MAP3K20: variants seen among roughly 807,000 people sequenced by gnomAD.
MAP3K20 encodes the protein mitogen-activated protein kinase kinase kinase 20.
A neutral mutation model predicts 85.7 loss-of-function variants in MAP3K20; 40 were observed. The observed-to-expected ratio is 0.47, with a 90% confidence interval of 0.36 to 0.61. MAP3K20 has a LOEUF of 0.61. MAP3K20 is among the 20% of genes least tolerant of loss of function. The pLI is 0.00. For missense variants in MAP3K20, 817 were observed against 961.7 expected, an observed-to-expected ratio of 0.85 and a Z score of 1.99; for synonymous variants, 325 against 327.7, an observed-to-expected ratio of 0.99 and a Z score of 0.09.
At chr2:173,177,870 A>C (rs1178021327) in intron 3 of MAP3K20, among the ~76,000 whole-genome samples, 5 of 64,278 alleles carry the variant, frequency 7.8e-5, no homozygotes, top group Non-Finnish European at 3.1e-4. Flanking sequence ...CACCTATATC[A>C]AAAAGAAGAA....
intron 3 of MAP3K20, among the ~76,000 whole-genome samples, chr2:173,176,808 T>C (rs1574080761): frequency 6.6e-6 from 1 of 152,170 alleles, no homozygotes; most frequent in Non-Finnish European, 1.5e-5. Context: ...AAGAGACATA[T>C]CGTAGATTCA....
intron 2 of MAP3K20, among the ~76,000 whole-genome samples, chr2:173,133,819 C>CT (rs1350705368): frequency 6.7e-6 from 1 of 150,318 alleles, no homozygotes; most frequent in Non-Finnish European, 1.5e-5. Flanking sequence ...CCCATCTCTA[C>CT]TAAAAAAAAA....
intron 16 of MAP3K20, among the ~76,000 whole-genome samples, chr2:173,239,830 A>C (rs1684740597): frequency 6.6e-6 from 1 of 152,210 alleles, no homozygotes; most frequent in Non-Finnish European, 1.5e-5. Flanking sequence ...CATAAGAGAA[A>C]GCAGCTTTAT....
chr2:173,142,496 A>G (rs1171302377), intron 2 of MAP3K20, among the ~76,000 whole-genome samples: 3 of 151,898 alleles, frequency 2.0e-5, no homozygotes, highest in African/African-American at 7.3e-5. Context: ...AGTAGTATAT[A>G]TATATCACAA....
chr2:173,097,185 G>A (rs1257314146), intron 2 of MAP3K20, among the ~76,000 whole-genome samples: 4 of 152,034 alleles, frequency 2.6e-5, no homozygotes, highest in Non-Finnish European at 4.4e-5. Flanking sequence ...TCGAAACCCC[G>A]TCTCTACTAA....
intron 2 of MAP3K20, among the ~76,000 whole-genome samples, chr2:173,159,590 A>G (rs1175712215): frequency 1.3e-5 from 2 of 151,994 alleles, no homozygotes; most frequent in Non-Finnish European, 2.9e-5. Flanking sequence ...GGGTCTCACT[A>G]TGTTGCCCAG....
At chr2:173,119,075 A>G (rs369737287) in intron 2 of MAP3K20, among the ~76,000 whole-genome samples, 2 of 152,240 alleles carry the variant, frequency 1.3e-5, no homozygotes, top group South Asian at 2.1e-4. Context: ...AAAAGACTCT[A>G]AAGAATATAG....
intron 11 of MAP3K20, chr2:173,222,841 G>A: frequency 1.0e-6 from 1 of 985,348 alleles, no homozygotes; most frequent in Non-Finnish European, 1.2e-6. Flanking sequence ...GATATTCTCA[G>A]AATGTTATCA....
At chr2:173,239,530 C>T in intron 16 of MAP3K20, 34 bp downstream of exon 16, 1 of 1,582,318 alleles carries the variant, frequency 6.3e-7, no homozygotes, top group Non-Finnish European at 8.6e-7. Flanking sequence ...GGATAAATCT[C>T]AATCGAACTA....
chr2:173,150,856 C>A (rs1689286568), intron 2 of MAP3K20, among the ~76,000 whole-genome samples: 1 of 152,052 alleles, frequency 6.6e-6, no homozygotes, highest in Non-Finnish European at 1.5e-5. Context: ...GCCACCACAC[C>A]CGGCCAAAAA....
rs1317124396 is a variant in MAP3K20 at position 173,232,350 on chromosome 2, C to T, written c.1094C>T (p.Ala365Val). The T allele has an allele frequency of 6.2e-7, 1 of 1,614,100 alleles. No individual in the cohort carries two copies. The highest frequency in any genetic ancestry group is 8.5e-7 in the Non-Finnish European group (1 of 1,180,044). ...GDSSAEMSVYASLFKENNITG... is the reference protein window; with the variant it reads ...GDSSAEMSVYVSLFKENNITG... Reference sequence around the variant, plus strand: ...TCTTCAGCAGAGATGAGTGTATATGCAAGCTTGTTTAAAGAAAACAACATT... The same window carrying T: ...TCTTCAGCAGAGATGAGTGTATATGTAAGCTTGTTTAAAGAAAACAACATT... Residue 365 changes from alanine (A) to valine (V), a missense_variant, in exon 14 of 20, where the codon GCA (alanine) becomes GTA (valine). Around this residue, in one of 4 missense-constraint regions of MAP3K20, gnomAD observed 158 missense variants for 162.0 expected, o/e 0.98. Transcript: ENST00000375213.
chr2:173,260,322 C>T (rs933915120), intron 17 of MAP3K20, among the ~76,000 whole-genome samples: 5 of 152,114 alleles, frequency 3.3e-5, no homozygotes, highest in South Asian at 2.1e-4. Context: ...GAGCCAAGAT[C>T]GCACCACTGC....
rs141237040 is a variant in MAP3K20, at chr2:173,217,095, C to G, written c.852-20C>G. The G allele has an allele frequency of 2.0e-6, 3 of 1,484,866 alleles. No individual in the cohort carries two copies. The highest frequency in any genetic ancestry group is 2.7e-6 in the Non-Finnish European group (3 of 1,112,772). The allele number at this position is 1,484,866 out of a possible 1,614,324, so 92.0% of individuals were successfully genotyped here. ...GTCTCTTAAGTAAAGTTGAGACTTACACCAGCTATCCCCGTGCAGGTGCGA... is the reference window on the plus strand; with the variant it reads ...GTCTCTTAAGTAAAGTTGAGACTTAGACCAGCTATCCCCGTGCAGGTGCGA... On this transcript the variant is annotated intron_variant, in intron 10 of 19. Coordinates refer to ENST00000375213, the MANE Select transcript of MAP3K20 (RefSeq NM_016653.3).
chr2:173,123,711 A>G (rs1301644496), intron 2 of MAP3K20, among the ~76,000 whole-genome samples: 1 of 152,150 alleles, frequency 6.6e-6, no homozygotes, highest in Admixed American at 6.5e-5. Flanking sequence ...TCAGTACCCT[A>G]ACTTTCACAT....
intron 11 of MAP3K20, chr2:173,223,698 A>G: frequency 1.0e-6 from 1 of 985,356 alleles, no homozygotes; most frequent in Non-Finnish European, 1.2e-6. Context: ...CAGTAGATAA[A>G]TCTCTCCCTA....
chr2:173,252,711 C>T (rs1362077146), intron 16 of MAP3K20, among the ~76,000 whole-genome samples: 1 of 152,182 alleles, frequency 6.6e-6, no homozygotes, highest in African/African-American at 2.4e-5. Context: ...AATTAGCACT[C>T]CCTGCAAATG....
chr2:173,143,473 A>C (rs1335487509), intron 2 of MAP3K20, among the ~76,000 whole-genome samples: 5 of 152,234 alleles, frequency 3.3e-5, no homozygotes, highest in Non-Finnish European at 5.9e-5. Flanking sequence ...CTTCAGGTGC[A>C]CATGGAGTGT....
intron 17 of MAP3K20, among the ~76,000 whole-genome samples, chr2:173,260,505 A>G (rs1322883208): frequency 2.1e-5 from 3 of 145,110 alleles, no homozygotes; most frequent in Non-Finnish European, 3.1e-5. Flanking sequence ...GGCTGTTTTT[A>G]TCATAATTAA....
At chr2:173,129,620 A>T (rs1216453912) in intron 2 of MAP3K20, among the ~76,000 whole-genome samples, 1 of 152,206 alleles carries the variant, frequency 6.6e-6, no homozygotes, top group Non-Finnish European at 1.5e-5. Flanking sequence ...CAGAGCTGGG[A>T]TCTGAGTCCT....
Sources: gnomAD v4.1 joint callset for allele counts (sites outside exome capture counted in the v4.1 genomes callset) on GRCh38, gnomAD v4.1.1 for gene constraint, gnomAD v4.1.1 regional missense constraint, MANE v1.5 for transcripts, NCBI Gene and HGNC (gene_info 2026-07-23, HGNC 2026-07-21) for gene names.